Variants in COL4A1 observed in about 807,000 individuals in gnomAD.
COL4A1 encodes the protein collagen type IV alpha 1 chain.
Under a neutral mutation model 216.6 loss-of-function variants are expected in COL4A1, and 40 were observed. The ratio of observed to expected loss-of-function variants is 0.18; its 90% CI spans 0.14 to 0.24. The LOEUF is 0.24. Ranked by LOEUF, COL4A1 falls within the 10% of genes least tolerant of loss-of-function variation. COL4A1 has a pLI of 1.00. For missense variants in COL4A1, 1,628 were observed against 2,196.8 expected (o/e 0.74, Z 5.18); for synonymous variants, 839 against 810.7 (o/e 1.03, Z -0.59).
chr13:110,222,639 G>A (rs1213161417), intron 2 of COL4A1, among the ~76,000 whole-genome samples: 2 of 146,646 alleles, frequency 1.4e-5, no homozygotes, highest in Non-Finnish European at 3.0e-5. Context: ...CGGGTGTGGT[G>A]GCGGGCACCT....
chr13:110,174,821 A>G, intron 37 of COL4A1, 72 bp from the exon 38 acceptor site: 2 of 1,378,218 alleles, frequency 1.5e-6, no homozygotes, highest in Non-Finnish European at 2.1e-6. Flanking sequence ...TGTTATAGAT[A>G]ATGGTATACA....
chr13:110,237,651 G>C (rs933526263), intron 2 of COL4A1, among the ~76,000 whole-genome samples: 1 of 152,188 alleles, frequency 6.6e-6, no homozygotes, highest in Non-Finnish European at 1.5e-5. Context: ...CCCAGGCCTG[G>C]CCCAAGATAC....
At chr13:110,182,375 G>A (rs1048911438) in intron 28 of COL4A1, among the ~76,000 whole-genome samples, 12 of 152,174 alleles carry the variant, frequency 7.9e-5, no homozygotes, top group African/African-American at 1.2e-4. Flanking sequence ...TGTGTTGTAC[G>A]AAGACAAACT....
chr13:110,153,092 A>G (rs966695163), intron 50 of COL4A1, among the ~76,000 whole-genome samples: 1 of 152,244 alleles, frequency 6.6e-6, no homozygotes, highest in African/African-American at 2.4e-5. Context: ...AGAAATCAAG[A>G]CCTTAAAATG....
chr13:110,281,905 G>C (rs912741766), intron 1 of COL4A1, among the ~76,000 whole-genome samples: 1 of 152,172 alleles, frequency 6.6e-6, no homozygotes, highest in Non-Finnish European at 1.5e-5. Context: ...AGTTTCTTTC[G>C]CATTCCCCTG....
intron 1 of COL4A1, among the ~76,000 whole-genome samples, chr13:110,250,893 T>C (rs188368184): frequency 6.6e-6 from 1 of 152,260 alleles, no homozygotes; most frequent in Non-Finnish European, 1.5e-5. Context: ...TTGAGAGACA[T>C]TTCGTTCTCT....
intron 1 of COL4A1, among the ~76,000 whole-genome samples, chr13:110,286,838 C>G (rs1010793797): frequency 2.6e-5 from 4 of 152,236 alleles, no homozygotes; most frequent in African/African-American, 9.6e-5. Context: ...GTGTGTGCTT[C>G]TGACTGTGTC....
At chr13:110,189,275 C>T (rs902509271) in intron 24 of COL4A1, among the ~76,000 whole-genome samples, 1 of 152,204 alleles carries the variant, frequency 6.6e-6, no homozygotes, top group Non-Finnish European at 1.5e-5. Context: ...GTTGGTCAGG[C>T]CGGTCTCGAA....
At chr13:110,255,851 G>A (rs112260270) in intron 1 of COL4A1, among the ~76,000 whole-genome samples, 13 of 35,550 alleles carry the variant, frequency 3.7e-4, no homozygotes, top group East Asian at 2.5e-3. Flanking sequence ...AAGGGAGGGG[G>A]AAGGCAGGAA....
intron 39 of COL4A1, 88 bp from the exon 40 acceptor site, chr13:110,174,086 T>C (rs1877767092): frequency 2.1e-6 from 3 of 1,409,624 alleles, no homozygotes; most frequent in Non-Finnish European, 2.0e-6. Context: ...TGACATCCTT[T>C]AAGGGAGCTG....
chr13:110,170,645 G>A lies in COL4A1; in HGVS notation c.3644C>T (p.Pro1215Leu), dbSNP rs547983152. 1.9e-5 allele frequency: 30 copies of A among 1,613,646 alleles called. No homozygotes were observed. The highest frequency in any genetic ancestry group is 5.5e-5 in the South Asian group (5 of 90,948). ...TAACCCCGGCTGTCCCTGGGGCCCC[G>A]GAGGACCCATGAATCCTTGCTCTCC... ...SKGEQGFMGP[P>L]GPQGQPGLPG... is the part of the protein sequence containing the mutation. The change falls in exon 42 of 52, where the codon CCG becomes CTG. Residue 1215 changes from proline (P) to leucine (L), a missense_variant. By Grantham distance (98) the Pro-to-Leu change is moderately conservative. Around this residue, in one of 8 missense-constraint regions of COL4A1, gnomAD observed 345 missense variants for 476.9 expected, o/e 0.72. Coordinates refer to ENST00000375820, the MANE Select transcript of COL4A1 (RefSeq NM_001845.6).
chr13:110,289,520 TGAGTTCACC>T (rs1883997376), intron 1 of COL4A1, among the ~76,000 whole-genome samples: 1 of 152,184 alleles, frequency 6.6e-6, no homozygotes, highest in Admixed American at 6.5e-5. Flanking sequence ...TTGCAGGCCT[TGAGTTCACC>T]GATTTCTTGG....
At chr13:110,152,310 CA>C in intron 51 of COL4A1, 23 bp downstream of exon 51, 2 of 1,613,694 alleles carry the variant, frequency 1.2e-6, no homozygotes, top group Non-Finnish European at 1.7e-6. Flanking sequence ...CAGCAGCCTG[CA>C]AAAAAGCAGT....
At chr13:110,300,113 G>A (rs1371126769) in intron 1 of COL4A1, among the ~76,000 whole-genome samples, 3 of 152,072 alleles carry the variant, frequency 2.0e-5, no homozygotes, top group Non-Finnish European at 4.4e-5. Flanking sequence ...CCACCAATTA[G>A]ATTAGATATT....
intron 2 of COL4A1, among the ~76,000 whole-genome samples, chr13:110,220,082 A>AGT (rs35100507): frequency 0.25 from 38,030 of 150,772 alleles, 4,994 homozygotes; most frequent in East Asian, 0.31. Context: ...GGATTATAGT[A>AGT]GTGTGCCACC....
intron 2 of COL4A1, among the ~76,000 whole-genome samples, chr13:110,222,370 C>A (rs1398197558): frequency 6.6e-6 from 1 of 152,144 alleles, no homozygotes; most frequent in Non-Finnish European, 1.5e-5. Context: ...TCAATCAGGG[C>A]TTGGGTGAGG....
At chr13:110,298,236 G>A (rs116400316) in intron 1 of COL4A1, among the ~76,000 whole-genome samples, 4,059 of 152,180 alleles carry the variant, frequency 0.027, 191 homozygotes, top group African/African-American at 0.094. Context: ...TTATGGAGGC[G>A]CCCAATGGCT....
intron 1 of COL4A1, among the ~76,000 whole-genome samples, chr13:110,274,897 C>G (rs1333453225): frequency 6.6e-6 from 1 of 152,198 alleles, no homozygotes; most frequent in Non-Finnish European, 1.5e-5. Context: ...GAGGGACTTT[C>G]TACTTAAATG....
chr13:110,170,712 A>C lies in COL4A1; in HGVS notation c.3577T>G (p.Phe1193Val). Residue 1193 changes from phenylalanine to valine, a missense_variant, in exon 42 of 52, where the codon TTC becomes GTC. Physicochemically the swap from Phe to Val is conservative, Grantham distance 50 (BLOSUM62 -1). This residue lies in a region of COL4A1 where 345 missense variants were observed against 476.9 expected (regional missense o/e 0.72). Coordinates refer to ENST00000375820, the MANE Select transcript of COL4A1 (RefSeq NM_001845.6). ...CCTGGGCTCCCGGCTAATCCTGGGA[A>C]ACCCACCTCACCCTTTGAACCTGAA... is the stretch of plus-strand genomic sequence containing the variant. The part of the protein sequence containing the change: ...GDKGSKGEVG[F>V]PGLAGSPGIP... The C allele has an allele frequency of 1.2e-6, 2 of 1,614,248 alleles. No homozygotes were observed. The highest frequency in any genetic ancestry group is 1.7e-6 in the Non-Finnish European group (2 of 1,180,044).
Sources: allele counts gnomAD v4.1 joint callset (sites outside exome capture counted in the v4.1 genomes callset), GRCh38; gene constraint gnomAD v4.1.1; regional missense constraint gnomAD v4.1.1; transcripts MANE v1.5; gene names NCBI Gene and HGNC (gene_info 2026-07-23, HGNC 2026-07-21).